Variants in HEATR5A observed in about 807,000 individuals in gnomAD.
HEATR5A encodes the protein HEAT repeat containing 5A, also known as HEAT repeat-containing protein 5A.
In HEATR5A, 178 loss-of-function variants were observed where a neutral mutation model predicts 218.8. That is an observed-to-expected ratio of 0.81 (90% CI 0.72 to 0.92). The LOEUF (loss-of-function observed/expected upper bound fraction) is 0.92, where lower values mean the gene tolerates loss of function less well. Among genes scored for constraint, HEATR5A ranks in the 40% least tolerant of loss-of-function variants. The pLI is 0.00. For synonymous variants in HEATR5A, 864 were observed against 871.6 expected, an observed-to-expected ratio of 0.99 and a Z score of 0.15; for missense variants, 2,420 against 2,418.9, an observed-to-expected ratio of 1.00 and a Z score of -0.01.
intron 6 of HEATR5A, among the ~76,000 whole-genome samples, chr14:31,392,982 T>G (rs1167126601): frequency 1.3e-5 from 2 of 152,150 alleles, no homozygotes; most frequent in African/African-American, 4.8e-5. Context: ...TGAGACCCTG[T>G]TTCCAAAAAC....
Position 31,293,338 on chromosome 14 carries a change from G to C in HEATR5A, c.6108C>G (p.Asn2036Lys). The C allele has an allele frequency of 1.9e-6, 3 of 1,595,706 alleles. No homozygotes were observed. Among genetic ancestry groups the C allele is most frequent in the Non-Finnish European group, 2.6e-6 (3 of 1,174,640 alleles). ...AACTGGTCTTTAATTGGATGCTTGA[G>C]TTTTTTCCAGGACTCTTAGTATATT... ...TSKYTKSPGKNSSIQLKTSFL is the reference protein window; with the variant it reads ...TSKYTKSPGKKSSIQLKTSFL The change falls in exon 36 of 36, where the codon AAC (asparagine) becomes AAG (lysine). Residue 2036 changes from asparagine to lysine, a missense_variant. Coordinates refer to ENST00000543095, the MANE Select transcript of HEATR5A (RefSeq NM_015473.4).
intron 7 of HEATR5A, among the ~76,000 whole-genome samples, chr14:31,387,960 T>C (rs2030300286): frequency 6.6e-6 from 1 of 152,214 alleles, no homozygotes; most frequent in African/African-American, 2.4e-5. Flanking sequence ...CCAGCTTACA[T>C]GTAAAATGTA....
chr14:31,376,078 CTG>C (rs1902216488), intron 11 of HEATR5A, among the ~76,000 whole-genome samples: 1 of 152,180 alleles, frequency 6.6e-6, no homozygotes, highest in Non-Finnish European at 1.5e-5. Context: ...GATTAATATC[CTG>C]GCTTCATCCA....
chr14:31,367,893 T>C (rs1198738255), intron 13 of HEATR5A, among the ~76,000 whole-genome samples: 1 of 152,122 alleles, frequency 6.6e-6, no homozygotes, highest in African/African-American at 2.4e-5. Flanking sequence ...TAAATGAGAA[T>C]ATAATACATG....
chr14:31,386,978 G>C, intron 8 of HEATR5A, 142 bp downstream of exon 8: 1 of 760,582 alleles, frequency 1.3e-6, no homozygotes. Context: ...AAATTCTATA[G>C]GAAGTACAAC....
chr14:31,356,024 A>G (rs1901414664), intron 16 of HEATR5A, among the ~76,000 whole-genome samples: 1 of 152,242 alleles, frequency 6.6e-6, no homozygotes, highest in Admixed American at 6.5e-5. Context: ...TACTTTAATT[A>G]AGACCTTTCT....
intron 1 of HEATR5A, among the ~76,000 whole-genome samples, chr14:31,412,564 T>A (rs545523807): frequency 6.7e-6 from 1 of 149,842 alleles, no homozygotes; most frequent in African/African-American, 2.5e-5. Context: ...TAACTTTGTA[T>A]ATTTAAGATT....
At chr14:31,388,121 G>A (rs1044257735) in intron 7 of HEATR5A, among the ~76,000 whole-genome samples, 1 of 151,962 alleles carries the variant, frequency 6.6e-6, no homozygotes, top group Non-Finnish European at 1.5e-5. Context: ...GAATATTAAT[G>A]GTTTTTCTTA....
intron 6 of HEATR5A, among the ~76,000 whole-genome samples, chr14:31,390,559 T>C (rs1198136146): frequency 6.6e-6 from 1 of 152,206 alleles, no homozygotes; most frequent in Non-Finnish European, 1.5e-5. Flanking sequence ...TAAACTTTCA[T>C]ATACAGTCAC....
chr14:31,325,611 C>A (rs958528756), intron 23 of HEATR5A, among the ~76,000 whole-genome samples: 3 of 151,884 alleles, frequency 2.0e-5, no homozygotes, highest in Non-Finnish European at 4.4e-5. Context: ...CGGGCTCAAG[C>A]AATCCTCCCA....
chr14:31,309,767 T>C (rs908881988), intron 28 of HEATR5A, among the ~76,000 whole-genome samples: 1 of 152,144 alleles, frequency 6.6e-6, no homozygotes, highest in Non-Finnish European at 1.5e-5. Context: ...AGTGGCGTGA[T>C]GTCGGCTCAC....
At chr14:31,402,147 A>AT (rs1254200784) in intron 2 of HEATR5A, among the ~76,000 whole-genome samples, 2 of 152,190 alleles carry the variant, frequency 1.3e-5, no homozygotes, top group South Asian at 4.1e-4. Context: ...GAATGCTACT[A>AT]TTTTAAATTC....
intron 7 of HEATR5A, among the ~76,000 whole-genome samples, chr14:31,387,721 G>A (rs1213560782): frequency 3.3e-5 from 5 of 152,044 alleles, no homozygotes; most frequent in African/African-American, 7.2e-5. Flanking sequence ...CACCAAGCCC[G>A]GCTAATTTTT....
Position 31,349,974 on chromosome 14 carries a change from C to A in HEATR5A, c.2523G>T (p.Val841=). 1 of 1,566,364 alleles carries A rather than the reference C, an allele frequency of 6.4e-7. No individual in the cohort carries two copies. Among genetic ancestry groups the A allele is most frequent in the South Asian group, 1.2e-5 (1 of 84,288 alleles). The change falls in exon 18 of 36, where the codon GTG becomes GTT. Residue 841 remains valine, a synonymous_variant. Coordinates refer to ENST00000543095, the MANE Select transcript of HEATR5A (RefSeq NM_015473.4). ...GACCTAAACATCCCTTGGAGCCAGCCACGTACTGAAATATGTAAAGAACAA... is the reference window on the plus strand; with the variant it reads ...GACCTAAACATCCCTTGGAGCCAGCAACGTACTGAAATATGTAAAGAACAA... The part of the protein sequence containing the change: ...VSSVSSFLKY[V]AGSKGCLGPE...
chr14:31,380,174 A>G (rs1352733240), intron 11 of HEATR5A, among the ~76,000 whole-genome samples: 1 of 152,166 alleles, frequency 6.6e-6, no homozygotes, highest in Non-Finnish European at 1.5e-5. Context: ...ATGATTTTTG[A>G]AAAAGCCACA....
At chr14:31,391,616 T>C (rs1277025102) in intron 6 of HEATR5A, among the ~76,000 whole-genome samples, 1 of 152,208 alleles carries the variant, frequency 6.6e-6, no homozygotes, top group African/African-American at 2.4e-5. Flanking sequence ...TAGTATACAG[T>C]AATATCCTAG....
At chr14:31,348,283 A>C (rs1170601593) in intron 18 of HEATR5A, among the ~76,000 whole-genome samples, 2 of 152,200 alleles carry the variant, frequency 1.3e-5, no homozygotes. Context: ...TTTTGATGTT[A>C]AAATTAAATA....
chr14:31,404,824 G>A (rs1377639765), intron 1 of HEATR5A, among the ~76,000 whole-genome samples: 2 of 151,962 alleles, frequency 1.3e-5, no homozygotes, highest in Non-Finnish European at 2.9e-5. Context: ...TGAGGTAGGA[G>A]GATCACTTGA....
In HEATR5A at chr14:31,378,793, A is replaced by C. The variant is rs1206564632; in HGVS notation, c.1708+1674T>G. Among the ~76,000 whole-genome samples, 79 of 138,896 alleles carry C rather than the reference A, an allele frequency of 5.7e-4. 1 individual carries two copies. Among genetic ancestry groups the C allele is most frequent in the African/African-American group, 1.9e-3 (71 of 36,890 alleles). 91.1% of individuals were successfully genotyped at this position (138,896 alleles called of 152,430 possible). A position where few individuals can be genotyped will look rare whatever the true frequency, so the allele number is the denominator to read the frequency against. ...ACAAAGTGAGACTCCACCTCAAAAA[A>C]AAACAAACAAAAAAAAAAAACACTA... On this transcript the variant is annotated intron_variant, in intron 11 of 35. Transcript: ENST00000543095.
Sources: allele counts gnomAD v4.1 joint callset (sites outside exome capture counted in the v4.1 genomes callset), GRCh38; gene constraint gnomAD v4.1.1; transcripts MANE v1.5; gene names NCBI Gene and HGNC (gene_info 2026-07-23, HGNC 2026-07-21).